Variants in DYRK1A observed in about 807,000 individuals in gnomAD.
The protein encoded by DYRK1A is dual specificity tyrosine-phosphorylation-regulated kinase 1A.
A neutral mutation model predicts 79.7 loss-of-function variants in DYRK1A; 9 were observed. That is an observed-to-expected ratio of 0.11 (90% CI 0.07 to 0.20). DYRK1A has a LOEUF of 0.20. Among genes scored for constraint, DYRK1A ranks in the 10% least tolerant of loss-of-function variants. The probability of loss-of-function intolerance (pLI) is 1.00; values close to 1 mark genes in which losing one functional copy is unlikely to be tolerated. For missense variants in DYRK1A, 622 were observed against 956.0 expected, an observed-to-expected ratio of 0.65 and a Z score of 4.61; for synonymous variants, 349 against 329.7, an observed-to-expected ratio of 1.06 and a Z score of -0.63.
intron 2 of DYRK1A, among the ~76,000 whole-genome samples, chr21:37,423,515 A>C (rs1281374876): frequency 6.6e-6 from 1 of 152,062 alleles, no homozygotes; most frequent in African/African-American, 2.4e-5. Context: ...GAACATAAAG[A>C]CTTTTATATA....
chr21:37,404,054 G>T (rs1216358038), intron 1 of DYRK1A, among the ~76,000 whole-genome samples: 1 of 152,020 alleles, frequency 6.6e-6, no homozygotes, highest in Non-Finnish European at 1.5e-5. Flanking sequence ...CTAGAGTGTG[G>T]TTCTTAGTCT....
At chr21:37,481,767 A>T (rs2052649936) in intron 5 of DYRK1A, 1 of 152,046 alleles carries the variant, frequency 6.6e-6, no homozygotes, top group African/African-American at 2.4e-5. Flanking sequence ...GCACTTTGGG[A>T]ATCTGAAGCA....
At chr21:37,395,532 C>T (rs2049945062) in intron 1 of DYRK1A, among the ~76,000 whole-genome samples, 1 of 151,994 alleles carries the variant, frequency 6.6e-6, no homozygotes, top group Admixed American at 6.6e-5. Context: ...TGTTTAATTT[C>T]CCTTGTTAAG....
At chr21:37,506,728 T>G (rs966840705) in intron 11 of DYRK1A, among the ~76,000 whole-genome samples, 1 of 152,214 alleles carries the variant, frequency 6.6e-6, no homozygotes, top group Non-Finnish European at 1.5e-5. Context: ...ATTAAGTACT[T>G]TTTCAAAATT....
At chr21:37,488,281 T>G in intron 6 of DYRK1A, 1 of 938,700 alleles carries the variant, frequency 1.1e-6, no homozygotes, top group Non-Finnish European at 1.3e-6. Context: ...AAACTGAGAT[T>G]CTGTTTGGAA....
At chr21:37,445,277 CAG>C (rs1569328080) in intron 2 of DYRK1A, among the ~76,000 whole-genome samples, 2 of 152,208 alleles carry the variant, frequency 1.3e-5, no homozygotes, top group African/African-American at 2.4e-5. Flanking sequence ...TTCAACAAAA[CAG>C]AATGCACACC....
At chr21:37,438,855 A>T (rs527914052) in intron 2 of DYRK1A, among the ~76,000 whole-genome samples, 1 of 152,172 alleles carries the variant, frequency 6.6e-6, no homozygotes, top group African/African-American at 2.4e-5. Context: ...AATTTCTTCA[A>T]TAAAGTTTGC....
intron 9 of DYRK1A, among the ~76,000 whole-genome samples, chr21:37,500,182 CTTTT>C (rs1195669068): frequency 6.6e-6 from 1 of 151,900 alleles, no homozygotes; most frequent in Non-Finnish European, 1.5e-5. Context: ...GTCTTTTTTG[CTTTT>C]TTAATATCAT....
At chr21:37,498,480 A>C (rs1177461169) in intron 9 of DYRK1A, among the ~76,000 whole-genome samples, 1 of 152,222 alleles carries the variant, frequency 6.6e-6, no homozygotes, top group African/African-American at 2.4e-5. Flanking sequence ...TTCTTCACTC[A>C]GCAAATGTAT....
At chr21:37,410,153 T>C (rs2050217115) in intron 1 of DYRK1A, among the ~76,000 whole-genome samples, 1 of 152,162 alleles carries the variant, frequency 6.6e-6, no homozygotes, top group East Asian at 1.9e-4. Flanking sequence ...GATCATAAAT[T>C]GAGAAAGCAT....
intron 2 of DYRK1A, among the ~76,000 whole-genome samples, chr21:37,430,043 GTTGA>G (rs944782042): frequency 3.3e-5 from 5 of 152,094 alleles, no homozygotes; most frequent in East Asian, 1.9e-4. Flanking sequence ...AAGTTTTTCT[GTTGA>G]TTATTATTAA....
chr21:37,479,374 A>G (rs760574221), intron 4 of DYRK1A, among the ~76,000 whole-genome samples: 7 of 152,118 alleles, frequency 4.6e-5, no homozygotes, highest in Non-Finnish European at 7.4e-5. Flanking sequence ...TATCTGATAA[A>G]TTGTTAACAA....
chr21:37,429,779 T>C (rs1269843232), intron 2 of DYRK1A, among the ~76,000 whole-genome samples: 1 of 152,264 alleles, frequency 6.6e-6, no homozygotes, highest in Non-Finnish European at 1.5e-5. Flanking sequence ...TACATGCTTA[T>C]GTTAATAAAA....
chr21:37,471,285 C>G (rs987495514), intron 2 of DYRK1A, among the ~76,000 whole-genome samples: 1 of 152,200 alleles, frequency 6.6e-6, no homozygotes. Context: ...GGGAAGAACT[C>G]TAACATGACT....
chr21:37,438,095 A>C lies in DYRK1A; in HGVS notation c.10+17711A>C, dbSNP rs540763915. On this transcript the variant is annotated intron_variant, in intron 2 of 11. Transcript: ENST00000647188. ...TTCTCTGTGATTAATGTTGTTGAGC[A>C]TCTTTGTATGTACTTTTTTGCCCCC... Among the ~76,000 whole-genome samples the C allele has an allele frequency of 2.6e-5, 4 of 152,162 alleles. No homozygotes were observed. The East Asian group carries it at 7.7e-4, about 29-fold the overall frequency.
intron 2 of DYRK1A, among the ~76,000 whole-genome samples, chr21:37,458,423 CT>C (rs1160078581): frequency 1.3e-5 from 2 of 152,046 alleles, no homozygotes; most frequent in African/African-American, 4.8e-5. Flanking sequence ...TAAAACATTT[CT>C]TTTAAGCTCT....
chr21:37,475,931 A>C (rs2052379166), intron 3 of DYRK1A, among the ~76,000 whole-genome samples: 1 of 152,214 alleles, frequency 6.6e-6, no homozygotes, highest in African/African-American at 2.4e-5. Flanking sequence ...ACTTAAAGAC[A>C]TTCACAGTTT....
intron 11 of DYRK1A, among the ~76,000 whole-genome samples, chr21:37,508,809 CTT>C (rs2148657153): frequency 6.6e-6 from 1 of 152,298 alleles, no homozygotes; most frequent in East Asian, 1.9e-4. Context: ...CTGGAACACT[CTT>C]TTCCTCCTCC....
chr21:37,375,837 G>A (rs1331855445), intron 1 of DYRK1A, among the ~76,000 whole-genome samples: 3 of 151,886 alleles, frequency 2.0e-5, no homozygotes, highest in Non-Finnish European at 4.4e-5. Flanking sequence ...CCTGTTATGA[G>A]GTTAACACTT....
Sources: allele counts gnomAD v4.1 joint callset (sites outside exome capture counted in the v4.1 genomes callset), GRCh38; gene constraint gnomAD v4.1.1; transcripts MANE v1.5; gene names NCBI Gene and HGNC (gene_info 2026-07-23, HGNC 2026-07-21).